Variants in DNAJB13 observed in about 807,000 individuals in gnomAD.
DNAJB13 encodes DnaJ heat shock protein family (Hsp40) member B13.
DNAJB13 carries 22 observed loss-of-function variants against 35.6 expected under a neutral mutation model. The observed-to-expected ratio is 0.62, with a 90% CI of 0.44 to 0.88. DNAJB13 has a LOEUF of 0.88. Among genes scored for constraint, DNAJB13 ranks in the 40% least tolerant of loss-of-function variants. DNAJB13 has a pLI of 0.00. For synonymous variants in DNAJB13, 136 were observed against 144.2 expected, an observed-to-expected ratio of 0.94 and a Z score of 0.41; for missense variants, 370 against 384.3, an observed-to-expected ratio of 0.96 and a Z score of 0.31.
At chr11:73,964,221 G>A (rs1333177948) in intron 3 of DNAJB13, 1 of 153,000 alleles carries the variant, frequency 6.5e-6, no homozygotes, top group Non-Finnish European at 1.5e-5. Flanking sequence ...GGGGCAGCAA[G>A]AGGGGTTATG....
intron 3 of DNAJB13, 182 bp from the exon 4 acceptor site, chr11:73,964,696 G>C (rs535975063): frequency 4.6e-5 from 30 of 652,970 alleles, no homozygotes; most frequent in African/African-American, 4.2e-4. Context: ...CAGTCTGAGA[G>C]GTGGTTATAG....
rs540354238 is a variant in DNAJB13 at position 73,970,195 on chromosome 11, A to G, written c.*81A>G. On this transcript the variant is annotated 3_prime_UTR_variant, in exon 8 of 8. Transcript: ENST00000339764. ...TACCCGCCACAGCCTCAGGGTGTGC[A>G]GGGGAGCCTGCTGCACAGATATGAT... 1.3e-6 allele frequency: 2 copies of G among 1,498,076 alleles called. No individual in the cohort carries two copies. Among genetic ancestry groups the G allele is most frequent in the East Asian group, 4.6e-5 (2 of 43,474 alleles). The allele number at this position is 1,498,076 out of a possible 1,614,324, so 92.8% of individuals were successfully genotyped here.
intron 7 of DNAJB13, 90 bp from the exon 8 acceptor site, chr11:73,969,871 G>C (rs1951232039): frequency 6.8e-7 from 1 of 1,465,944 alleles, no homozygotes; most frequent in African/African-American, 1.4e-5. Context: ...CCCCTTCCTG[G>C]GGTTATGTGA....
intron 3 of DNAJB13, 65 bp from the exon 4 acceptor site, chr11:73,964,813 G>GCGCGCGCGCGCC (rs1554992113): frequency 4.0e-6 from 4 of 992,288 alleles, no homozygotes; most frequent in African/African-American, 2.7e-5. Flanking sequence ...GTGTGTGTGT[G>GCGCGCGCGCGCC]CGCGCGCGCG....
Position 73,959,026 on chromosome 11 carries a change from G to A in DNAJB13, c.173-468G>A, listed in dbSNP as rs181338785. Among the ~76,000 whole-genome samples, 286 of 152,318 alleles carry A rather than the reference G, an allele frequency of 1.9e-3. 1 individual carries two copies. The highest frequency in any genetic ancestry group is 6.8e-3 in the African/African-American group (283 of 41,574). ...GAAGTGCAGCTAGAAGATCACTAAG[G>A]TTTCTACAGCCCCGAGTTTTCAGGA... On this transcript the variant is annotated intron_variant, in intron 2 of 7. Transcript: ENST00000339764.
chr11:73,968,187 A>G lies in DNAJB13; in HGVS notation c.607-158A>G, dbSNP rs2306818. 0.29 allele frequency: 188,665 copies of G among 656,154 alleles called. 28,207 individuals are homozygous for G. Among genetic ancestry groups the G allele is most frequent in the Admixed American group, 0.37 (14,704 of 40,110 alleles). The allele number at this position is 656,154 out of a possible 1,614,324, so 40.6% of individuals were successfully genotyped here. On this transcript the variant is annotated intron_variant, in intron 5 of 7. Coordinates refer to ENST00000339764, the MANE Select transcript of DNAJB13 (RefSeq NM_153614.4). ...GGTAAGCTTCTCGGGCTTCTAATCC[A>G]TCTGGGCTATGGGGGCCAAACTGAA...
intron 1 of DNAJB13, among the ~76,000 whole-genome samples, chr11:73,955,800 CTAAA>C (rs1026386924): frequency 2.0e-5 from 3 of 152,084 alleles, no homozygotes; most frequent in African/African-American, 4.8e-5. Flanking sequence ...GACTCTATCT[CTAAA>C]TAAATAAATA....
rs373567161 is a variant in DNAJB13 at position 73,951,120 on chromosome 11, T to C, written c.51T>C (p.Asp17=). The C allele has an allele frequency of 2.5e-6, 4 of 1,613,992 alleles. No homozygotes were observed. The African/African-American group carries it at 4.0e-5, about 16-fold the overall frequency. The stretch of plus-strand genomic sequence containing the variant: ...TCGGGATCACTCGCAATTCAGAGGA[T>C]GCCCAGATCAAGCAGGCGTAAGTTG... ...SVLGITRNSE[D]AQIKQAYRRL... Residue 17 remains aspartate, a synonymous_variant, in exon 1 of 8, where the codon GAT becomes GAC. Transcript: ENST00000339764.
chr11:73,968,217 C>A (rs1170277653), intron 5 of DNAJB13, 128 bp from the exon 6 acceptor site: 2 of 786,532 alleles, frequency 2.5e-6, no homozygotes, highest in Non-Finnish European at 4.3e-6. Context: ...ACTGAAAAGG[C>A]CCTTCCAGAA....
At chr11:73,967,409 A>G (rs1307632564) in intron 5 of DNAJB13, among the ~76,000 whole-genome samples, 4 of 152,206 alleles carry the variant, frequency 2.6e-5, no homozygotes, top group Admixed American at 2.0e-4. Context: ...GGGAAGACAC[A>G]TTCCTTTGCC....
At chr11:73,957,919 G>A (rs7114235) in intron 1 of DNAJB13, among the ~76,000 whole-genome samples, 1 of 151,804 alleles carries the variant, frequency 6.6e-6, no homozygotes, top group African/African-American at 2.4e-5. Flanking sequence ...GAGACAGGGA[G>A]GGGAGGAAGG....
At chr11:73,951,187 G>T in intron 1 of DNAJB13, 50 bp downstream of exon 1, 1 of 1,605,350 alleles carries the variant, frequency 6.2e-7, no homozygotes, top group Non-Finnish European at 8.5e-7. Flanking sequence ...GGCAGGCCCT[G>T]CCCTCTTCTC....
chr11:73,958,265 C>T (rs10793068), intron 1 of DNAJB13, 52 bp from the exon 2 acceptor site: 1 of 1,580,626 alleles, frequency 6.3e-7, no homozygotes, highest in African/African-American at 1.3e-5. Flanking sequence ...CTCTGGTCCG[C>T]CCTCAGAAAC....
intron 1 of DNAJB13, 141 bp downstream of exon 1, chr11:73,951,278 C>A: frequency 1.9e-6 from 2 of 1,063,592 alleles, no homozygotes; most frequent in South Asian, 1.5e-5. Flanking sequence ...ATACCTGTAT[C>A]CTGGCTTTGG....
chr11:73,952,425 C>T (rs1038781927), intron 1 of DNAJB13, among the ~76,000 whole-genome samples: 7 of 152,138 alleles, frequency 4.6e-5, no homozygotes, highest in Non-Finnish European at 7.3e-5. Context: ...AATTAAGTGC[C>T]ATTATTATCC....
chr11:73,951,318 A>G lies in DNAJB13; in HGVS notation c.68+181A>G, dbSNP rs9666440. ...GGTCAGGGCCCAGGTTGGAAATTTG[A>G]ACTCTTTAGTTCCTCAATCTGCTCC... is the stretch of plus-strand genomic sequence containing the variant. On this transcript the variant is annotated intron_variant, in intron 1 of 7. Coordinates refer to ENST00000339764, the MANE Select transcript of DNAJB13 (RefSeq NM_153614.4). Among the ~76,000 whole-genome samples the G allele has an allele frequency of 0.13, 20,072 of 152,116 alleles. 1,452 individuals are homozygous for G. The highest frequency in any genetic ancestry group is 0.15 in the Admixed American group (2,342 of 15,280).
intron 1 of DNAJB13, among the ~76,000 whole-genome samples, chr11:73,955,507 C>G (rs1159533717): frequency 6.6e-6 from 1 of 151,898 alleles, no homozygotes; most frequent in Admixed American, 6.6e-5. Flanking sequence ...CGGGGTTTCA[C>G]CATGTTGGCC....
intron 1 of DNAJB13, among the ~76,000 whole-genome samples, chr11:73,958,000 G>A (rs612914): frequency 2.6e-5 from 4 of 151,980 alleles, no homozygotes; most frequent in Non-Finnish European, 4.4e-5. Context: ...AAGCTTGCCC[G>A]TTGGAGGAGT....
intron 5 of DNAJB13, among the ~76,000 whole-genome samples, chr11:73,967,762 C>T (rs1591206694): frequency 6.6e-6 from 1 of 152,144 alleles, no homozygotes; most frequent in African/African-American, 2.4e-5. Flanking sequence ...AACAAACAGA[C>T]AAAATACAAA....
Sources: gnomAD v4.1 joint callset for allele counts (sites outside exome capture counted in the v4.1 genomes callset) on GRCh38, gnomAD v4.1.1 for gene constraint, MANE v1.5 for transcripts, NCBI Gene and HGNC (gene_info 2026-07-23, HGNC 2026-07-21) for gene names.